ARHGAP26: variants seen among roughly 807,000 people sequenced by gnomAD.
ARHGAP26 encodes the protein Rho GTPase activating protein 26, also known as rho GTPase-activating protein 26.
Under a neutral mutation model 104.8 loss-of-function variants are expected in ARHGAP26, and 38 were observed. The ratio of observed to expected loss-of-function variants is 0.36; its 90% CI spans 0.28 to 0.48. ARHGAP26 has a LOEUF of 0.48. ARHGAP26 is among the 20% of genes least tolerant of loss of function. The probability of loss-of-function intolerance (pLI) is 0.99; values close to 1 mark genes in which losing one functional copy is unlikely to be tolerated. For synonymous variants in ARHGAP26, 341 were observed against 340.0 expected (o/e 1.00, Z -0.03); for missense variants, 704 against 947.9 (o/e 0.74, Z 3.38).
chr5:143,048,890 G>C (rs1784592415), intron 14 of ARHGAP26, among the ~76,000 whole-genome samples: 1 of 142,102 alleles, frequency 7.0e-6, no homozygotes, highest in Non-Finnish European at 1.5e-5. Flanking sequence ...TCCAGCCTGG[G>C]TAACAGAATG....
At chr5:142,815,239 C>G (rs1764873816) in intron 1 of ARHGAP26, among the ~76,000 whole-genome samples, 1 of 152,128 alleles carries the variant, frequency 6.6e-6, no homozygotes, top group African/African-American at 2.4e-5. Context: ...TATGGTTTCA[C>G]CATGTTGGCC....
chr5:142,991,223 G>T (rs1775565467), intron 11 of ARHGAP26, among the ~76,000 whole-genome samples: 1 of 152,224 alleles, frequency 6.6e-6, no homozygotes, highest in African/African-American at 2.4e-5. Flanking sequence ...TGCTGTGCTA[G>T]TGGTGAGCAA....
At position 143,222,374 on chromosome 5, in the gene ARHGAP26, G is replaced by A; in HGVS notation, c.2208G>A (p.Glu736=). The A allele has an allele frequency of 1.2e-6, 2 of 1,602,634 alleles. No homozygotes were observed. The highest frequency in any genetic ancestry group is 1.7e-6 in the Non-Finnish European group (2 of 1,172,426). Residue 736 remains glutamate, a synonymous_variant, in exon 23 of 23, where the codon GAG becomes GAA. Transcript: ENST00000645722. ...TVFDNVHPSQ[E]PGWLEGTLNG... is the part of the protein sequence containing the mutation. Reference sequence around the variant, plus strand: ...CCTGTACAGTTCACCCATCTCAGGAGCCTGGCTGGTTGGAGGGGACTCTGA... The same window carrying A: ...CCTGTACAGTTCACCCATCTCAGGAACCTGGCTGGTTGGAGGGGACTCTGA...
At chr5:143,134,269 T>C (rs2150900505) in intron 19 of ARHGAP26, among the ~76,000 whole-genome samples, 164 bp downstream of exon 19, 1 of 152,332 alleles carries the variant, frequency 6.6e-6, no homozygotes, top group East Asian at 1.9e-4. Context: ...TGAGTAACCC[T>C]GATAGGACAG....
chr5:142,919,858 G>A (rs1315280184), intron 10 of ARHGAP26, among the ~76,000 whole-genome samples: 1 of 151,980 alleles, frequency 6.6e-6, no homozygotes, highest in African/African-American at 2.4e-5. Context: ...AAAATTAGCC[G>A]AGCATGGTGG....
At chr5:142,792,254 G>T (rs1408787623) in intron 1 of ARHGAP26, among the ~76,000 whole-genome samples, 2 of 152,152 alleles carry the variant, frequency 1.3e-5, no homozygotes, top group Non-Finnish European at 2.9e-5. Context: ...AGTTCATTTG[G>T]ATAGTTCCAC....
At chr5:142,877,840 G>A (rs993191590) in intron 3 of ARHGAP26, among the ~76,000 whole-genome samples, 1 of 152,188 alleles carries the variant, frequency 6.6e-6, no homozygotes, top group Non-Finnish European at 1.5e-5. Flanking sequence ...GTGTAGTTAA[G>A]GTTGAGAATC....
intron 11 of ARHGAP26, among the ~76,000 whole-genome samples, chr5:142,992,581 C>G (rs1214263398): frequency 2.6e-5 from 4 of 151,982 alleles, no homozygotes; most frequent in African/African-American, 9.7e-5. Context: ...GTACCCGCCA[C>G]CATGCCCGGC....
chr5:142,997,244 A>G lies in ARHGAP26; in HGVS notation c.1108-16836A>G, dbSNP rs1013164713. Among the ~76,000 whole-genome samples the G allele has an allele frequency of 1.1e-4, 17 of 152,248 alleles. 1 individual carries two copies. In the East Asian group the frequency reaches 2.7e-3, roughly 24 times the overall value. ...CTCACCAAAATTTATTTGTAACCCT[A>G]AAGTCAATACTTGCAGAGTTTTCAC... On this transcript the variant is annotated intron_variant, in intron 11 of 22. Transcript: ENST00000645722.
intron 5 of ARHGAP26, among the ~76,000 whole-genome samples, chr5:142,891,584 A>G (rs1053628076): frequency 3.5e-4 from 52 of 148,094 alleles, no homozygotes; most frequent in Non-Finnish European, 6.3e-4. Flanking sequence ...GGTGGAATGG[A>G]TGGATGATTT....
intron 1 of ARHGAP26, among the ~76,000 whole-genome samples, chr5:142,791,598 A>T (rs1051682651): frequency 1.3e-5 from 2 of 152,204 alleles, no homozygotes; most frequent in Non-Finnish European, 2.9e-5. Flanking sequence ...GTTTGTGTAT[A>T]TGAAACTGCT....
At chr5:143,003,745 A>G (rs1489971361) in intron 11 of ARHGAP26, among the ~76,000 whole-genome samples, 2 of 152,206 alleles carry the variant, frequency 1.3e-5, no homozygotes, top group African/African-American at 4.8e-5. Context: ...AGTCCCTGTG[A>G]TAACTATTTT....
chr5:143,215,497 T>C (rs1369859241), intron 22 of ARHGAP26, among the ~76,000 whole-genome samples: 1 of 144,362 alleles, frequency 6.9e-6, no homozygotes, highest in Non-Finnish European at 1.5e-5. Context: ...AATTTACCCA[T>C]TTAAAATGTA....
intron 20 of ARHGAP26, among the ~76,000 whole-genome samples, chr5:143,162,146 C>G (rs887201969): frequency 6.6e-6 from 1 of 151,928 alleles, no homozygotes; most frequent in Non-Finnish European, 1.5e-5. Flanking sequence ...TGCTCTGTCT[C>G]GGGGGAAGCC....
At chr5:143,097,783 C>T (rs1402289375) in intron 17 of ARHGAP26, among the ~76,000 whole-genome samples, 2 of 143,104 alleles carry the variant, frequency 1.4e-5, no homozygotes, top group African/African-American at 5.2e-5. Flanking sequence ...GATTGCGCCA[C>T]TGCATGCCAG....
At chr5:142,972,369 T>G (rs1241215118) in intron 11 of ARHGAP26, among the ~76,000 whole-genome samples, 1 of 152,054 alleles carries the variant, frequency 6.6e-6, no homozygotes, top group Non-Finnish European at 1.5e-5. Context: ...TCTTCTAATA[T>G]TTGAGTGAAA....
chr5:143,131,332 T>C (rs917417603), intron 18 of ARHGAP26, among the ~76,000 whole-genome samples: 1 of 152,182 alleles, frequency 6.6e-6, no homozygotes, highest in African/African-American at 2.4e-5. Context: ...ACAGTTGAAA[T>C]TGAAGTCCAT....
intron 17 of ARHGAP26, among the ~76,000 whole-genome samples, chr5:143,061,079 A>G (rs2150318195): frequency 6.6e-6 from 1 of 152,320 alleles, no homozygotes; most frequent in South Asian, 2.1e-4. Flanking sequence ...TGCAAAAGGC[A>G]TTTTTACTTT....
At chr5:143,011,783 A>G (rs1252722959) in intron 11 of ARHGAP26, among the ~76,000 whole-genome samples, 1 of 152,194 alleles carries the variant, frequency 6.6e-6, no homozygotes, top group Non-Finnish European at 1.5e-5. Context: ...TCCTCTTTTA[A>G]GTAGAAATTA....
Sources: allele counts gnomAD v4.1 joint callset (sites outside exome capture counted in the v4.1 genomes callset), GRCh38; gene constraint gnomAD v4.1.1; transcripts MANE v1.5; gene names NCBI Gene and HGNC (gene_info 2026-07-23, HGNC 2026-07-21).